Variants in DISC1 observed in about 807,000 individuals in gnomAD.
DISC1 encodes the protein DISC1 scaffold protein.
Under a neutral mutation model 84.5 loss-of-function variants are expected in DISC1, and 57 were observed. That is an observed-to-expected ratio of 0.67 (90% CI 0.55 to 0.84). The LOEUF is 0.84. DISC1 is among the 40% of genes least tolerant of loss of function. DISC1 has a pLI of 0.00. For missense variants in DISC1, 1,000 were observed against 1,057.8 expected (o/e 0.95, Z 0.76); for synonymous variants, 411 against 415.2 (o/e 0.99, Z 0.12).
Position 231,886,822 on chromosome 1 carries a change from T to G in DISC1, c.1981+68305T>G, listed in dbSNP as rs866891961. On this transcript the variant is annotated intron_variant, in intron 9 of 12. Coordinates refer to ENST00000439617, the MANE Select transcript of DISC1 (RefSeq NM_018662.3). ...TTCTTTCTTTCTTTCTTTCTTTCTT[T>G]CTTTCTTTCTTTCCTTCTTTCTTTT... Among the ~76,000 whole-genome samples, 56 of 145,198 alleles carry G rather than the reference T, an allele frequency of 3.9e-4. 1 individual carries two copies. Among genetic ancestry groups the G allele is most frequent in the African/African-American group, 1.3e-3 (50 of 38,984 alleles).
chr1:231,712,235 T>A, intron 3 of DISC1, among the ~76,000 whole-genome samples: 1 of 152,362 alleles, frequency 6.6e-6, no homozygotes, highest in African/African-American at 2.4e-5. Flanking sequence ...ATTTCAGACT[T>A]CTGGCTTCTA....
intron 6 of DISC1, among the ~76,000 whole-genome samples, chr1:231,779,600 G>A (rs1403488500): frequency 3.4e-5 from 4 of 117,416 alleles, no homozygotes; most frequent in Admixed American, 1.2e-4. Flanking sequence ...TCGCTCTGTC[G>A]CCCAGGCTGC....
At chr1:231,757,624 G>T (rs1044051547) in intron 4 of DISC1, among the ~76,000 whole-genome samples, 1 of 152,090 alleles carries the variant, frequency 6.6e-6, no homozygotes, top group Admixed American at 6.5e-5. Context: ...CCCCTCTTCT[G>T]TGGGGTCCTC....
intron 9 of DISC1, among the ~76,000 whole-genome samples, chr1:231,946,092 T>A (rs1471584357): frequency 6.6e-6 from 1 of 152,074 alleles, no homozygotes; most frequent in Non-Finnish European, 1.5e-5. Flanking sequence ...AAAGAGGGAA[T>A]CCTCCCTAAC....
At chr1:231,952,678 CAT>C (rs552411158) in intron 9 of DISC1, among the ~76,000 whole-genome samples, 1 of 139,916 alleles carries the variant, frequency 7.1e-6, no homozygotes, top group Non-Finnish European at 1.5e-5. Context: ...TATTGTCTCT[CAT>C]ATATATATGT....
chr1:231,817,606 AT>A (rs2081148078), intron 8 of DISC1, among the ~76,000 whole-genome samples: 1 of 152,192 alleles, frequency 6.6e-6, no homozygotes, highest in African/African-American at 2.4e-5. Flanking sequence ...TCTTGCACAT[AT>A]TTAAAGAAAG....
chr1:231,888,298 T>C (rs1374147560), intron 9 of DISC1, among the ~76,000 whole-genome samples: 3 of 152,096 alleles, frequency 2.0e-5, no homozygotes. Context: ...AGGTGGAGGC[T>C]GTTTGCATGA....
chr1:231,648,023 C>A (rs998913988), intron 1 of DISC1, among the ~76,000 whole-genome samples: 3 of 152,218 alleles, frequency 2.0e-5, no homozygotes, highest in African/African-American at 7.2e-5. Context: ...AATTTAACTT[C>A]CTCTTTTCCT....
chr1:231,894,104 G>C (rs2087475353), intron 9 of DISC1, among the ~76,000 whole-genome samples: 1 of 152,184 alleles, frequency 6.6e-6, no homozygotes, highest in Non-Finnish European at 1.5e-5. Context: ...GCATACACTG[G>C]CTGGAGACAG....
At chr1:231,855,297 C>CA in intron 9 of DISC1, 1 of 936,960 alleles carries the variant, frequency 1.1e-6, no homozygotes, top group Non-Finnish European at 1.3e-6. Flanking sequence ...ATGTATATTT[C>CA]AAAATAACAT....
At chr1:231,636,093 G>A (rs1004892564) in intron 1 of DISC1, among the ~76,000 whole-genome samples, 1 of 152,084 alleles carries the variant, frequency 6.6e-6, no homozygotes, top group African/African-American at 2.4e-5. Context: ...CTATTGCTGG[G>A]TTTACTCCTA....
chr1:232,007,353 G>T (rs527317227), intron 10 of DISC1, among the ~76,000 whole-genome samples: 14 of 152,262 alleles, frequency 9.2e-5, no homozygotes, highest in Admixed American at 9.2e-4. Flanking sequence ...CCAGGAGGGG[G>T]ACTGTACCCT....
chr1:231,779,716 C>T (rs373866893), intron 6 of DISC1, among the ~76,000 whole-genome samples: 75 of 152,044 alleles, frequency 4.9e-4, no homozygotes, highest in African/African-American at 1.7e-3. Context: ...CCGGCCACCA[C>T]GCCCGGCTAA....
chr1:231,697,863 C>A (rs112498664), intron 2 of DISC1, among the ~76,000 whole-genome samples: 3 of 152,142 alleles, frequency 2.0e-5, no homozygotes, highest in African/African-American at 7.2e-5. Context: ...TCTCATACTA[C>A]AAACTAGTAT....
chr1:231,938,185 G>A (rs1019269406), intron 9 of DISC1, among the ~76,000 whole-genome samples: 1 of 152,160 alleles, frequency 6.6e-6, no homozygotes, highest in Non-Finnish European at 1.5e-5. Flanking sequence ...ATGTTACAAG[G>A]CTAAAGGGAT....
intron 4 of DISC1, among the ~76,000 whole-genome samples, chr1:231,766,473 G>C (rs867211238): frequency 6.6e-6 from 1 of 152,100 alleles, no homozygotes; most frequent in Admixed American, 6.6e-5. Context: ...TGTGATTAAA[G>C]CTGATTGTGG....
intron 8 of DISC1, among the ~76,000 whole-genome samples, chr1:231,800,838 G>A (rs552698239): frequency 6.6e-5 from 10 of 151,906 alleles, no homozygotes; most frequent in Admixed American, 3.3e-4. Flanking sequence ...TTGAGGCTGC[G>A]GGATGTGTCC....
intron 1 of DISC1, among the ~76,000 whole-genome samples, chr1:231,653,027 G>A (rs1242800069): frequency 1.3e-5 from 2 of 152,128 alleles, no homozygotes; most frequent in Admixed American, 1.3e-4. Flanking sequence ...TGATCTGCCC[G>A]CCTTGGCCTC....
At chr1:231,786,424 T>C (rs1399034115) in intron 6 of DISC1, among the ~76,000 whole-genome samples, 1 of 152,106 alleles carries the variant, frequency 6.6e-6, no homozygotes, top group Non-Finnish European at 1.5e-5. Context: ...AGGAACAGAG[T>C]TTGTTCTTCA....
Sources: gnomAD v4.1 joint callset for allele counts (sites outside exome capture counted in the v4.1 genomes callset) on GRCh38, gnomAD v4.1.1 for gene constraint, MANE v1.5 for transcripts, NCBI Gene and HGNC (gene_info 2026-07-23, HGNC 2026-07-21) for gene names.